ZNF701: variants seen among roughly 807,000 people sequenced by gnomAD.
ZNF701 encodes the protein zinc finger protein 701.
In ZNF701, 6 loss-of-function variants were observed where a neutral mutation model predicts 7.1. That is an observed-to-expected ratio of 0.84 (90% confidence interval 0.46 to 1.66). ZNF701 has a LOEUF of 1.66. ZNF701 is among the 40% of genes most tolerant of loss of function. The pLI is 0.01. For missense variants in ZNF701, 541 were observed against 559.2 expected (o/e 0.97, Z 0.33); for synonymous variants, 166 against 188.2 (o/e 0.88, Z 0.97).
chr19:52,575,119 C>G (rs886707339), intron 2 of ZNF701, among the ~76,000 whole-genome samples: 18 of 152,110 alleles, frequency 1.2e-4, no homozygotes, highest in African/African-American at 3.6e-4. Flanking sequence ...ACAGGCACCC[C>G]CCACCACGCC....
downstream of ZNF701, among the ~76,000 whole-genome samples, chr19:52,591,011 T>G (rs1394308822): frequency 1.3e-5 from 2 of 152,104 alleles, no homozygotes; most frequent in Non-Finnish European, 2.9e-5. Context: ...AGCTAATTTT[T>G]GTATTTTTAA....
Position 52,585,886 on chromosome 19 carries a change from G to C in ZNF701, c.*2429G>C, listed in dbSNP as rs997186651. The C allele has an allele frequency of 4.6e-5, 7 of 152,314 alleles. No homozygotes were observed. The highest frequency in any genetic ancestry group is 5.9e-5 in the Non-Finnish European group (4 of 68,100). The allele number at this position is 152,314 out of a possible 1,614,324, so 9.4% of individuals were successfully genotyped here. On this transcript the variant is annotated 3_prime_UTR_variant, in exon 4 of 4. Coordinates refer to ENST00000391785, the MANE Select transcript of ZNF701 (RefSeq NM_018260.3). ...CTTTCCACCTGCGACCTGGTGGAAG[G>C]GGGAGGGTGTTAGGGAGAGTAGCCT...
chr19:52,591,090 G>A (rs141354813), downstream of ZNF701, among the ~76,000 whole-genome samples: 4,598 of 151,926 alleles, frequency 0.03, 95 homozygotes, highest in East Asian at 0.048. Flanking sequence ...CACCCATCTC[G>A]GCCTCCATAA....
At chr19:52,587,465 G>T (rs1477354788), downstream of ZNF701, among the ~76,000 whole-genome samples, 2 of 152,116 alleles carry the variant, frequency 1.3e-5, no homozygotes, top group Admixed American at 1.3e-4. Flanking sequence ...CCCCTCAACT[G>T]CAAGTGACAA....
chr19:52,578,307 T>C (rs1302937754), intron 3 of ZNF701, among the ~76,000 whole-genome samples: 1 of 149,832 alleles, frequency 6.7e-6, no homozygotes, highest in African/African-American at 2.5e-5. Context: ...CGCTAACGTA[T>C]GCTGCCTTCT....
chr19:52,588,749 G>A (rs557883320), downstream of ZNF701: 5 of 180,104 alleles, frequency 2.8e-5, no homozygotes, highest in South Asian at 5.7e-4. Flanking sequence ...CCTTTTCTCA[G>A]TCCCTCTCAT....
chr19:52,573,383 A>C (rs115853521), intron 1 of ZNF701, among the ~76,000 whole-genome samples: 1 of 151,980 alleles, frequency 6.6e-6, no homozygotes, highest in African/African-American at 2.4e-5. Context: ...GGGCTTACCA[A>C]TGCCCACCAA....
downstream of ZNF701, chr19:52,588,625 T>G (rs76923148): frequency 0.11 from 40,709 of 363,750 alleles, 2,785 homozygotes; most frequent in Middle Eastern, 0.15. Context: ...TAAAGTGATA[T>G]TCCTCGGTGG....
In ZNF701 at chr19:52,583,649, C is replaced by T. The variant is rs919951962; in HGVS notation, c.*192C>T. Reference sequence around the variant, plus strand: ...AATGTAAGGTTTGTGACAAGGATTTCGGGTGTGATTCACACCTGGCCCAAC... The same window carrying T: ...AATGTAAGGTTTGTGACAAGGATTTTGGGTGTGATTCACACCTGGCCCAAC... On this transcript the variant is annotated 3_prime_UTR_variant, in exon 4 of 4. Transcript: ENST00000391785. The T allele has an allele frequency of 6.0e-5, 72 of 1,190,690 alleles. No homozygotes were observed. The highest frequency in any genetic ancestry group is 8.2e-5 in the Non-Finnish European group (65 of 795,468). The allele number at this position is 1,190,690 out of a possible 1,614,324, so 73.8% of individuals were successfully genotyped here.
the ZNF701 span, chr19:52,597,117 A>G: frequency 1.1e-6 from 1 of 936,202 alleles, no homozygotes. Context: ...TAAAATTTTC[A>G]GACATCGATC....
the ZNF701 span, among the ~76,000 whole-genome samples, chr19:52,594,483 C>T: frequency 2.0e-5 from 3 of 151,578 alleles, no homozygotes; most frequent in Non-Finnish European, 4.4e-5. Flanking sequence ...CATGAGCCAC[C>T]GCACCTGGCC....
At chr19:52,596,480 T>A in the ZNF701 span, 2 of 441,942 alleles carry the variant, frequency 4.5e-6, no homozygotes, top group Admixed American at 5.5e-5. Flanking sequence ...CAAGGCTTTC[T>A]GGGATAATTC....
intron 1 of ZNF701, 138 bp downstream of exon 1, chr19:52,570,468 G>A (rs1460903408): frequency 6.6e-6 from 1 of 152,246 alleles, no homozygotes; most frequent in African/African-American, 2.4e-5. Context: ...ACGTTCCCCT[G>A]GGAATCCGGA....
the ZNF701 span, chr19:52,595,900 A>G: frequency 2.5e-6 from 4 of 1,613,088 alleles, no homozygotes; most frequent in East Asian, 8.9e-5. Flanking sequence ...AGCTTGGATC[A>G]AGCTTTCATT....
chr19:52,573,954 G>A, intron 1 of ZNF701, 123 bp from the exon 2 acceptor site: 4 of 989,546 alleles, frequency 4.0e-6, no homozygotes, highest in Non-Finnish European at 5.9e-6. Flanking sequence ...ATTATCCCTG[G>A]TGCAGTGGGC....
In ZNF701 at chr19:52,582,345, G is replaced by C. The variant is rs1459824534; in HGVS notation, c.286G>C (p.Asp96His). 3.1e-6 allele frequency: 5 copies of C among 1,613,486 alleles called. No individual in the cohort carries two copies. The African/African-American group carries it at 6.7e-5, about 22-fold the overall frequency. The change falls in exon 4 of 4, where the codon GAC (aspartate) becomes CAC (histidine). Residue 96 changes from aspartate (D) to histidine (H), a missense_variant. Transcript: ENST00000391785. Reference sequence around the variant, plus strand: ...CCAGGAAATTGAGAAAGATATTCATGACTTTGTGTTTCAGTGGCAAGAAAA... The same window carrying C: ...CCAGGAAATTGAGAAAGATATTCATCACTTTGTGTTTCAGTGGCAAGAAAA... ...CFQEIEKDIH[D>H]FVFQWQENET...
In ZNF701 at chr19:52,582,446, G is replaced by T. The variant is rs149293171; in HGVS notation, c.387G>T (p.Arg129Ser). The T allele has an allele frequency of 5.2e-4, 835 of 1,614,154 alleles. 1 individual carries two copies. Among genetic ancestry groups the T allele is most frequent in the Admixed American group, 8.5e-4 (51 of 60,010 alleles). ...GTAGTACAGAGCGACATGATCAAAGGCATGCTGGAAACAAACCTATTAAAA... is the reference window on the plus strand; with the variant it reads ...GTAGTACAGAGCGACATGATCAAAGTCATGCTGGAAACAAACCTATTAAAA... ...LMSSTERHDQRHAGNKPIKNE... is the reference protein window; with the variant it reads ...LMSSTERHDQSHAGNKPIKNE... The change falls in exon 4 of 4, where the codon AGG (arginine) becomes AGT (serine). Residue 129 changes from arginine to serine, a missense_variant. Coordinates refer to ENST00000391785, the MANE Select transcript of ZNF701 (RefSeq NM_018260.3).
chr19:52,595,461 A>AG, the ZNF701 span, among the ~76,000 whole-genome samples: 1 of 151,922 alleles, frequency 6.6e-6, no homozygotes, highest in East Asian at 1.9e-4. Context: ...TAGTACAGAT[A>AG]GGGTTTCACC....
chr19:52,574,207 GA>G (rs769823814), intron 2 of ZNF701, 45 bp downstream of exon 2: 2 of 1,600,910 alleles, frequency 1.2e-6, no homozygotes, highest in African/African-American at 2.7e-5. Context: ...CTTCCTTTCA[GA>G]AATGCTGATC....
Sources: gnomAD v4.1 joint callset for allele counts (sites outside exome capture counted in the v4.1 genomes callset) on GRCh38, gnomAD v4.1.1 for gene constraint, MANE v1.5 for transcripts, NCBI Gene and HGNC (gene_info 2026-07-23, HGNC 2026-07-21) for gene names.